STIL: variants seen among roughly 807,000 people sequenced by gnomAD.
The protein encoded by STIL is SCL-interrupting locus protein.
A neutral mutation model predicts 110.1 loss-of-function variants in STIL; 55 were observed. The observed-to-expected ratio is 0.50, with a 90% CI of 0.40 to 0.63. The LOEUF (loss-of-function observed/expected upper bound fraction) is 0.63. STIL is among the 20% of genes least tolerant of loss of function. The pLI is 0.00. For synonymous variants in STIL, 481 were observed against 530.0 expected, an observed-to-expected ratio of 0.91 and a Z score of 1.27; for missense variants, 1,358 against 1,530.0, an observed-to-expected ratio of 0.89 and a Z score of 1.87.
chr1:47,278,791 C>T (rs950628021), intron 12 of STIL, among the ~76,000 whole-genome samples: 4 of 151,344 alleles, frequency 2.6e-5, no homozygotes, highest in South Asian at 4.2e-4. Context: ...TATAGGAAGA[C>T]CTTTTCTCTA....
chr1:47,301,848 A>G (rs1336750182), intron 4 of STIL, 100 bp from the exon 5 acceptor site: 1 of 1,067,972 alleles, frequency 9.4e-7, no homozygotes, highest in Non-Finnish European at 1.4e-6. Context: ...GTTCATACCA[A>G]TAGTACACTA....
Position 47,272,069 on chromosome 1 carries a change from A to T in STIL, c.2383+7T>A. The T allele has an allele frequency of 3.1e-6, 5 of 1,613,604 alleles. No homozygotes were observed. Among genetic ancestry groups the T allele is most frequent in the Non-Finnish European group, 4.2e-6 (5 of 1,179,746 alleles). On this transcript the variant is annotated splice_region_variant and intron_variant, in intron 13 of 16. Transcript: ENST00000371877. ...TTCCTTACAAATTAAAAAAAAACTG[A>T]AATTACCTGTGCTCACAGCAATGCT...
In STIL at chr1:47,251,579, G is replaced by A. The variant is rs761076290; in HGVS notation, c.3424C>T (p.Pro1142Ser). The change falls in exon 17 of 17, where the codon CCT becomes TCT. Residue 1142 changes from proline to serine, a missense_variant. By Grantham distance (74) the Pro-to-Ser change is moderately conservative. Transcript: ENST00000371877. ...SSDNSEDEEE[P>S]PDNADSKSEY... is the part of the protein sequence containing the mutation. ...CTCTTGCTATCTGCATTGTCGGGAG[G>A]TTCCTCTTCATCTTCACTATTGTCA... 2 of 1,613,774 alleles carry A rather than the reference G, an allele frequency of 1.2e-6. No individual in the cohort carries two copies. Among genetic ancestry groups the A allele is most frequent in the East Asian group, 2.2e-5 (1 of 44,886 alleles).
At chr1:47,302,473 A>T in intron 3 of STIL, 127 bp from the exon 4 acceptor site, 1 of 802,718 alleles carries the variant, frequency 1.2e-6, no homozygotes, top group Admixed American at 2.1e-5. Context: ...TTGTCAGGAA[A>T]TCCCAGGGTC....
intron 15 of STIL, among the ~76,000 whole-genome samples, chr1:47,262,553 C>T (rs117924719): frequency 1.3e-5 from 2 of 152,102 alleles, no homozygotes; most frequent in African/African-American, 4.8e-5. Context: ...CTTACCTGAA[C>T]TAAAATCAGT....
chr1:47,306,882 T>C (rs189112701), intron 2 of STIL, among the ~76,000 whole-genome samples: 1 of 152,332 alleles, frequency 6.6e-6, no homozygotes, highest in East Asian at 1.9e-4. Context: ...GGGCCAGGCC[T>C]GGTGGCTCAC....
chr1:47,262,868 T>C, intron 15 of STIL, 35 bp downstream of exon 15: 7 of 1,599,840 alleles, frequency 4.4e-6, no homozygotes, highest in Non-Finnish European at 5.1e-6. Context: ...CTAAATAACC[T>C]TCTCAAAAAG....
chr1:47,269,105 A>G (rs1644745056), intron 14 of STIL, among the ~76,000 whole-genome samples: 1 of 151,954 alleles, frequency 6.6e-6, no homozygotes, highest in Non-Finnish European at 1.5e-5. Flanking sequence ...AAAAAAAAAA[A>G]AATTTCTCCA....
At chr1:47,267,709 TTTTG>T (rs1373945388) in intron 14 of STIL, among the ~76,000 whole-genome samples, 1 of 6,072 alleles carries the variant, frequency 1.6e-4, no homozygotes, top group African/African-American at 1.4e-3. Flanking sequence ...AGAATCCGTT[TTTTG>T]TTTTGTTTTG....
At chr1:47,295,351 G>A (rs1557760617) in intron 7 of STIL, among the ~76,000 whole-genome samples, 2 of 152,010 alleles carry the variant, frequency 1.3e-5, no homozygotes, top group Non-Finnish European at 2.9e-5. Flanking sequence ...AGGCTGAGGC[G>A]GGTAAATCAC....
rs768080437 is a variant in STIL at position 47,287,619 on chromosome 1, C to T, written c.1065G>A (p.Leu355=). 6.2e-7 allele frequency: 1 copy of T among 1,613,030 alleles called. No homozygotes were observed. The highest frequency in any genetic ancestry group is 8.5e-7 in the Non-Finnish European group (1 of 1,179,470). Residue 355 remains leucine (L), a synonymous_variant, in exon 10 of 17, where the codon CTG becomes CTA. Coordinates refer to ENST00000371877, the MANE Select transcript of STIL (RefSeq NM_001048166.1). ...TTTCTGCATTTTGGCTTTCAGCGCT[C>T]AGTTCACAACGGATTGGATTTTTGT... ...PPDKNPIRCE[L]SAESQNAETE...
chr1:47,261,995 G>A lies in STIL; in HGVS notation c.2829+908C>T, dbSNP rs189130980. On this transcript the variant is annotated intron_variant, in intron 15 of 16. Transcript: ENST00000371877. ...TTTTTATAAACAAGTTTTAAATAAT[G>A]CTTTCGTTTGCAAAGTGATAATGTT... is the stretch of plus-strand genomic sequence containing the variant. 2.3e-4 allele frequency among the ~76,000 whole-genome samples: 35 copies of A among 152,076 alleles called. No homozygotes were observed. In the East Asian group the frequency reaches 5.8e-3, roughly 25 times the overall value.
intron 2 of STIL, among the ~76,000 whole-genome samples, chr1:47,307,580 C>G (rs866429677): frequency 2.2e-4 from 34 of 152,176 alleles, no homozygotes; most frequent in Admixed American, 1.6e-3. Context: ...GGATGTATAT[C>G]GTCTCAGGAC....
intron 13 of STIL, 94 bp from the exon 14 acceptor site, chr1:47,269,960 G>C: frequency 8.4e-7 from 1 of 1,190,872 alleles, no homozygotes; most frequent in South Asian, 1.2e-5. Context: ...ATATTGGCTG[G>C]GTGCAATGGC....
Position 47,279,487 on chromosome 1 carries a change from A to AGG in STIL, c.2217+753_2217+754insCC, listed in dbSNP as rs1308996074. On this transcript the variant is annotated intron_variant, in intron 12 of 16. Transcript: ENST00000371877. ...GAAAAAAGACAACACTTACACACTA[A>AGG]ACACTGCGCAAGGATATAATTAAGA... Among the ~76,000 whole-genome samples the AGG allele has an allele frequency of 9.9e-5, 15 of 152,048 alleles. No individual in the cohort carries two copies. In the East Asian group the frequency reaches 2.5e-3, roughly 26 times the overall value.
chr1:47,301,071 C>T (rs1357599033), intron 5 of STIL, among the ~76,000 whole-genome samples: 1 of 152,094 alleles, frequency 6.6e-6, no homozygotes, highest in African/African-American at 2.4e-5. Flanking sequence ...TGACAAAGTT[C>T]AAATTCATCA....
intron 8 of STIL, 78 bp downstream of exon 8, chr1:47,293,380 T>C (rs1645550110): frequency 8.2e-7 from 1 of 1,218,170 alleles, no homozygotes; most frequent in Admixed American, 1.8e-5. Context: ...CGGCATTACA[T>C]GAATTTTAAA....
chr1:47,257,781 T>C (rs540169498), intron 16 of STIL, among the ~76,000 whole-genome samples: 35 of 152,348 alleles, frequency 2.3e-4, no homozygotes, highest in African/African-American at 7.9e-4. Flanking sequence ...ATATTGACTA[T>C]CTGTGTCTTC....
chr1:47,302,265 G>T lies in STIL; in HGVS notation c.234C>A (p.Cys78Ter). Reference protein sequence around the residue: ...HAKQNKKNSSCFLLGSLTADE... With the variant: ...HAKQNKKNSS ...CTGCTGTCAGAGAACCAAGTAAAAA[G>T]CATGACGAATTTTTTTTATTCTGCT... Residue 78 changes from cysteine to a stop codon, truncating the protein, a stop_gained, in exon 4 of 17, where the codon TGC (cysteine) becomes TGA (stop). Coordinates refer to ENST00000371877, the MANE Select transcript of STIL (RefSeq NM_001048166.1). LOFTEE classifies it high-confidence loss of function. The T allele has an allele frequency of 6.2e-7, 1 of 1,613,898 alleles. No homozygotes were observed. The highest frequency in any genetic ancestry group is 8.5e-7 in the Non-Finnish European group (1 of 1,179,872).
Sources: allele counts gnomAD v4.1 joint callset (sites outside exome capture counted in the v4.1 genomes callset), GRCh38; gene constraint gnomAD v4.1.1; transcripts MANE v1.5; gene names NCBI Gene and HGNC (gene_info 2026-07-23, HGNC 2026-07-21).